The following SLC4A10 variants were observed in gnomAD, a reference collection of about 807,000 sequenced individuals.
SLC4A10 encodes the protein solute carrier family 4 member 10, also known as sodium-driven chloride bicarbonate exchanger.
SLC4A10 carries 42 observed loss-of-function variants against 137.7 expected under a neutral mutation model. The observed-to-expected ratio is 0.30, with a 90% confidence interval of 0.24 to 0.39. The LOEUF (loss-of-function observed/expected upper bound fraction) is 0.39. Among genes scored for constraint, SLC4A10 ranks in the 10% least tolerant of loss-of-function variants. The probability of loss-of-function intolerance (pLI) is 1.00; values close to 1 mark genes in which losing one functional copy is unlikely to be tolerated. For missense variants in SLC4A10, 925 were observed against 1,355.0 expected (o/e 0.68, Z 4.98); for synonymous variants, 474 against 464.1 (o/e 1.02, Z -0.27).
At chr2:161,717,014 A>G (rs777686764) in intron 1 of SLC4A10, among the ~76,000 whole-genome samples, 2 of 152,042 alleles carry the variant, frequency 1.3e-5, no homozygotes, top group African/African-American at 2.4e-5. Flanking sequence ...GGTCCTTCAC[A>G]TTCCTTGTTA....
chr2:161,719,450 A>C (rs2045356697), intron 1 of SLC4A10, among the ~76,000 whole-genome samples: 1 of 152,142 alleles, frequency 6.6e-6, no homozygotes, highest in Non-Finnish European at 1.5e-5. Flanking sequence ...TGGTATTTCT[A>C]GTTCTAGATC....
intron 3 of SLC4A10, among the ~76,000 whole-genome samples, chr2:161,824,411 T>C (rs576065783): frequency 6.6e-6 from 1 of 152,304 alleles, no homozygotes; most frequent in African/African-American, 2.4e-5. Flanking sequence ...GAAAACTGTG[T>C]TCCAGTGTGC....
At chr2:161,788,348 A>T (rs1258512455) in intron 2 of SLC4A10, among the ~76,000 whole-genome samples, 2 of 151,694 alleles carry the variant, frequency 1.3e-5, no homozygotes, top group African/African-American at 2.4e-5. Flanking sequence ...TAGGTTTTTT[A>T]TTTGGTGGTG....
Position 161,845,544 on chromosome 2 carries a change from C to A in SLC4A10, c.416+5617C>A, listed in dbSNP as rs558965207. Among the ~76,000 whole-genome samples the A allele has an allele frequency of 3.3e-5, 5 of 152,146 alleles. No homozygotes were observed. The South Asian group carries it at 1.0e-3, about 32-fold the overall frequency. On this transcript the variant is annotated intron_variant, in intron 4 of 26. Coordinates refer to ENST00000446997, the MANE Select transcript of SLC4A10 (RefSeq NM_001178015.2). ...CAAACTCTCTGAAAAGAACTCCATT[C>A]TTTTCTCAGAGAATTAAGCCCTCAA...
chr2:161,791,933 T>C (rs1418207671), intron 2 of SLC4A10, among the ~76,000 whole-genome samples: 1 of 152,194 alleles, frequency 6.6e-6, no homozygotes, highest in Non-Finnish European at 1.5e-5. Flanking sequence ...TGTTTGCATG[T>C]GGATAATAAC....
chr2:161,970,659 T>G (rs1488001755), intron 23 of SLC4A10, among the ~76,000 whole-genome samples: 9 of 152,208 alleles, frequency 5.9e-5, no homozygotes, highest in Non-Finnish European at 1.5e-5. Context: ...TGAGGGCTCC[T>G]ACATAGATAC....
In SLC4A10 at chr2:161,964,179, A is replaced by G. The variant is rs1340224032; in HGVS notation, c.2907A>G (p.Gln969=). The G allele has an allele frequency of 1.9e-6, 3 of 1,612,454 alleles. No homozygotes were observed. Among genetic ancestry groups the G allele is most frequent in the Admixed American group, 1.7e-5 (1 of 59,806 alleles). Reference sequence around the variant, plus strand: ...TCTTCTGGATGCCGGCAAAACATCAACCAGATTTTATATACCTAAGGCACG... The same window carrying G: ...TCTTCTGGATGCCGGCAAAACATCAGCCAGATTTTATATACCTAAGGCACG... ...IKLFWMPAKH[Q]PDFIYLRHVP... Residue 969 remains glutamine (Q), a synonymous_variant, in exon 22 of 27, where the codon CAA becomes CAG. Coordinates refer to ENST00000446997, the MANE Select transcript of SLC4A10 (RefSeq NM_001178015.2).
chr2:161,760,367 TA>T (rs1307191529), intron 1 of SLC4A10, among the ~76,000 whole-genome samples: 1 of 152,018 alleles, frequency 6.6e-6, no homozygotes, highest in African/African-American at 2.4e-5. Flanking sequence ...TTTTAAGAAT[TA>T]TATACAAATA....
In SLC4A10 at chr2:161,976,805, T is replaced by C. The variant is rs1699449614; in HGVS notation, c.3273T>C (p.Thr1091=). ...VINISDEMSK[T]ALWRNLLITA... Reference sequence around the variant, plus strand: ...ATATATCTGATGAAATGTCAAAGACTGCCTTGTGGAGGAACCTTCTGATTA... The same window carrying C: ...ATATATCTGATGAAATGTCAAAGACCGCCTTGTGGAGGAACCTTCTGATTA... The change falls in exon 25 of 27, where the codon ACT becomes ACC. Residue 1091 remains threonine (T), a synonymous_variant. Transcript: ENST00000446997. 6.2e-7 allele frequency: 1 copy of C among 1,605,534 alleles called. No homozygotes were observed. The highest frequency in any genetic ancestry group is 1.7e-5 in the Admixed American group (1 of 59,170).
At chr2:161,739,302 G>A (rs2125234742) in intron 1 of SLC4A10, among the ~76,000 whole-genome samples, 1 of 152,286 alleles carries the variant, frequency 6.6e-6, no homozygotes, top group South Asian at 2.1e-4. Context: ...TTGAGTGTGA[G>A]CACACACTTT....
chr2:161,732,874 T>C (rs2046956612), intron 1 of SLC4A10, among the ~76,000 whole-genome samples: 1 of 152,186 alleles, frequency 6.6e-6, no homozygotes, highest in African/African-American at 2.4e-5. Flanking sequence ...CTCTTTGTTA[T>C]GTTGTAGCAA....
intron 1 of SLC4A10, among the ~76,000 whole-genome samples, chr2:161,672,106 G>A (rs1211467978): frequency 6.6e-6 from 1 of 152,140 alleles, no homozygotes; most frequent in Non-Finnish European, 1.5e-5. Context: ...GATGTACCAA[G>A]AAGCGCAGTT....
intron 1 of SLC4A10, among the ~76,000 whole-genome samples, chr2:161,720,872 C>T (rs1299476184): frequency 2.0e-5 from 3 of 151,524 alleles, no homozygotes; most frequent in Admixed American, 2.0e-4. Flanking sequence ...GCTCTGTCAC[C>T]CAGGCTGGAG....
intron 1 of SLC4A10, among the ~76,000 whole-genome samples, chr2:161,653,850 T>G (rs2037153565): frequency 6.6e-6 from 1 of 152,220 alleles, no homozygotes; most frequent in Non-Finnish European, 1.5e-5. Flanking sequence ...ACAATTAATA[T>G]GGGAATGCAG....
intron 15 of SLC4A10, among the ~76,000 whole-genome samples, chr2:161,919,625 C>T (rs2105487704): frequency 6.6e-6 from 1 of 152,216 alleles, no homozygotes; most frequent in African/African-American, 2.4e-5. Flanking sequence ...TTTGGGCCTC[C>T]TGAGAACTAT....
intron 21 of SLC4A10, 89 bp downstream of exon 21, chr2:161,958,644 C>T: frequency 2.3e-6 from 2 of 875,560 alleles, no homozygotes; most frequent in Non-Finnish European, 3.5e-6. Flanking sequence ...AAAATGCCAC[C>T]ACCTGAGGAA....
chr2:161,730,525 TA>T (rs1395629411), intron 1 of SLC4A10, among the ~76,000 whole-genome samples: 1 of 152,180 alleles, frequency 6.6e-6, no homozygotes, highest in Non-Finnish European at 1.5e-5. Flanking sequence ...CCTGAGAATG[TA>T]AGGTGGTCTC....
chr2:161,779,210 G>C (rs1210701818), intron 2 of SLC4A10, among the ~76,000 whole-genome samples: 2 of 151,876 alleles, frequency 1.3e-5, no homozygotes, highest in Admixed American at 1.3e-4. Context: ...GAGAACTAAT[G>C]CCATCTTGCA....
At chr2:161,859,298 T>G (rs1039065539) in intron 5 of SLC4A10, among the ~76,000 whole-genome samples, 2 of 141,886 alleles carry the variant, frequency 1.4e-5, no homozygotes, top group Non-Finnish European at 3.1e-5. Flanking sequence ...TTTCTTTTCT[T>G]TTTTTTTTTT....
Sources: allele counts gnomAD v4.1 joint callset (sites outside exome capture counted in the v4.1 genomes callset), GRCh38; gene constraint gnomAD v4.1.1; transcripts MANE v1.5; gene names NCBI Gene and HGNC (gene_info 2026-07-23, HGNC 2026-07-21).